Variants in INO80D observed in about 807,000 individuals in gnomAD.
The protein encoded by INO80D is INO80 complex subunit D.
Under a neutral mutation model 87.6 loss-of-function variants are expected in INO80D, and 21 were observed. The ratio of observed to expected loss-of-function variants is 0.24; its 90% CI spans 0.17 to 0.35. The LOEUF is 0.35. Ranked by LOEUF, INO80D falls within the 10% of genes least tolerant of loss-of-function variation. The pLI is 1.00. For synonymous variants in INO80D, 440 were observed against 491.0 expected (o/e 0.90, Z 1.37); for missense variants, 982 against 1,280.7 (o/e 0.77, Z 3.56).
At chr2:206,052,791 CA>C (rs34135960) in intron 4 of INO80D, among the ~76,000 whole-genome samples, 119 of 139,218 alleles carry the variant, frequency 8.5e-4, no homozygotes, top group South Asian at 1.2e-3. Flanking sequence ...GAACCTGTCT[CA>C]AAAAAAAAAA....
intron 4 of INO80D, among the ~76,000 whole-genome samples, chr2:206,047,714 G>A (rs545293563): frequency 8.0e-5 from 12 of 150,860 alleles, no homozygotes; most frequent in Non-Finnish European, 1.2e-4. Context: ...TTTCAACAAC[G>A]AAGGGCCCTA....
In INO80D at chr2:206,058,660, G is replaced by A. The variant is rs188418714; in HGVS notation, c.219-1717C>T. Among the ~76,000 whole-genome samples, 498 of 152,042 alleles carry A rather than the reference G, an allele frequency of 3.3e-3. 3 individuals carry two copies. The highest frequency in any genetic ancestry group is 0.011 in the African/African-American group (473 of 41,462). The stretch of plus-strand genomic sequence containing the variant: ...TGAGGTACAAGAATCGCTTGAACCC[G>A]GGGGCAGAGGTTGCAGTGAGCTGAG... On this transcript the variant is annotated intron_variant, in intron 3 of 10. Coordinates refer to ENST00000403263, the MANE Select transcript of INO80D (RefSeq NM_017759.5).
At chr2:206,044,644 A>G (rs1209347144) in intron 5 of INO80D, among the ~76,000 whole-genome samples, 13 of 152,192 alleles carry the variant, frequency 8.5e-5, no homozygotes, top group African/African-American at 2.9e-4. Flanking sequence ...TGAAACAACA[A>G]AAGAAGTATT....
rs181836740 is a variant in INO80D, at chr2:206,059,771, T to C, written c.219-2828A>G. Among the ~76,000 whole-genome samples, 65 of 152,280 alleles carry C rather than the reference T, an allele frequency of 4.3e-4. No homozygotes were observed. The East Asian group carries it at 6.8e-3, about 16-fold the overall frequency. On this transcript the variant is annotated intron_variant, in intron 3 of 10. Transcript: ENST00000403263. ...TGTGTGTGTCTGTGTGTCTGTGTGC[T>C]TCCCTAGCAGGTTTGAGCTAGGTCC...
Position 205,999,950 on chromosome 2 carries a change from T to C in INO80D, c.*4418A>G, listed in dbSNP as rs968682931. ...TGGGCGGGGGGAAACATCTATGTTCTTTCATATATATATATAAAAAACTCT... is the reference window on the plus strand; with the variant it reads ...TGGGCGGGGGGAAACATCTATGTTCCTTCATATATATATATAAAAAACTCT... On this transcript the variant is annotated 3_prime_UTR_variant, in exon 11 of 11. Coordinates refer to ENST00000403263, the MANE Select transcript of INO80D (RefSeq NM_017759.5). 6.6e-6 allele frequency: 1 copy of C among 152,192 alleles called. No individual in the cohort carries two copies. The highest frequency in any genetic ancestry group is 1.5e-5 in the Non-Finnish European group (1 of 68,034). 9.4% of individuals were successfully genotyped at this position (152,192 alleles called of 1,614,324 possible).
chr2:206,037,918 C>T (rs955298914), intron 5 of INO80D, among the ~76,000 whole-genome samples: 2 of 152,090 alleles, frequency 1.3e-5, no homozygotes, highest in African/African-American at 4.8e-5. Context: ...AGAATAAAAT[C>T]ATGTCTTTTG....
Position 205,996,968 on chromosome 2 carries a change from A to G in INO80D, c.*7400T>C, listed in dbSNP as rs1687820397. On this transcript the variant is annotated 3_prime_UTR_variant, in exon 11 of 11. Coordinates refer to ENST00000403263, the MANE Select transcript of INO80D (RefSeq NM_017759.5). The stretch of plus-strand genomic sequence containing the variant: ...TGAAACCAGGAGATGCTGCAAAAAT[A>G]CAACTGTAGAAAAGAACAGCATATA... The G allele has an allele frequency of 6.6e-6, 1 of 152,148 alleles. No homozygotes were observed. The highest frequency in any genetic ancestry group is 1.5e-5 in the Non-Finnish European group (1 of 67,986). 9.4% of individuals were successfully genotyped at this position (152,148 alleles called of 1,614,324 possible).
intron 5 of INO80D, among the ~76,000 whole-genome samples, chr2:206,030,214 T>C (rs1054129915): frequency 1.3e-5 from 2 of 152,216 alleles, no homozygotes; most frequent in Non-Finnish European, 2.9e-5. Flanking sequence ...GGCTCACATC[T>C]GTAATCCCTG....
At position 206,028,207 on chromosome 2, in the gene INO80D, G is replaced by A. The variant is rs550625486; in HGVS notation, c.1202C>T (p.Thr401Met). The A allele has an allele frequency of 4.6e-5, 74 of 1,612,628 alleles. No individual in the cohort carries two copies. In the South Asian group the frequency reaches 5.9e-4, roughly 13 times the overall value. Residue 401 changes from threonine to methionine, a missense_variant, in exon 6 of 11, where the codon ACG becomes ATG. Physicochemically the swap from Thr to Met is moderately conservative, Grantham distance 81. Transcript: ENST00000403263. Reference protein sequence around the residue: ...AESRQKKCRHTFRKALLQAAS... With the variant: ...AESRQKKCRHMFRKALLQAAS... ...CGCCTGCAGCAAAGCTTTCCTAAAC[G>A]TATGCCGGCATTTCTTTTGACGAGA...
chr2:206,082,721 C>T (rs189577811), intron 1 of INO80D, among the ~76,000 whole-genome samples: 149 of 152,338 alleles, frequency 9.8e-4, no homozygotes, highest in Non-Finnish European at 1.8e-3. Flanking sequence ...ATATAAATGA[C>T]TTTTCATTAG....
intron 3 of INO80D, among the ~76,000 whole-genome samples, chr2:206,059,748 T>C (rs1689634235): frequency 6.6e-6 from 1 of 152,080 alleles, no homozygotes; most frequent in African/African-American, 2.4e-5. Context: ...ACCGTGTGTG[T>C]GTGTGTCTGT....
At chr2:206,063,388 GA>G (rs1689736542) in intron 1 of INO80D, 144 bp from the exon 2 acceptor site, 4 of 358,810 alleles carry the variant, frequency 1.1e-5, no homozygotes, top group Non-Finnish European at 2.0e-5. Flanking sequence ...GGTTAAATAA[GA>G]AAATAAGAGA....
At chr2:206,054,183 CTT>C (rs571731107) in intron 4 of INO80D, among the ~76,000 whole-genome samples, 13 of 140,134 alleles carry the variant, frequency 9.3e-5, no homozygotes, top group Non-Finnish European at 9.4e-5. Flanking sequence ...CTTTTCTTTT[CTT>C]TTTTTTTTTT....
intron 4 of INO80D, among the ~76,000 whole-genome samples, chr2:206,050,075 A>C (rs1425937729): frequency 1.3e-5 from 2 of 150,146 alleles, no homozygotes; most frequent in Non-Finnish European, 3.0e-5. Context: ...AGAGGTTGCA[A>C]TGAGCTGAGA....
intron 6 of INO80D, among the ~76,000 whole-genome samples, chr2:206,021,302 A>C (rs1215885610): frequency 6.6e-6 from 1 of 152,176 alleles, no homozygotes; most frequent in Non-Finnish European, 1.5e-5. Flanking sequence ...AAATACTTCT[A>C]CCGTAGTTAT....
At chr2:206,050,106 C>G (rs1020659810) in intron 4 of INO80D, among the ~76,000 whole-genome samples, 7 of 151,920 alleles carry the variant, frequency 4.6e-5, no homozygotes, top group African/African-American at 1.7e-4. Flanking sequence ...GCACTCCAGC[C>G]TGGGCAACAC....
chr2:206,036,002 T>C (rs1688881800), intron 5 of INO80D, among the ~76,000 whole-genome samples: 1 of 152,030 alleles, frequency 6.6e-6, no homozygotes, highest in African/African-American at 2.4e-5. Flanking sequence ...AATTGCAAAT[T>C]TGATTTGCAG....
intron 8 of INO80D, among the ~76,000 whole-genome samples, chr2:206,011,111 C>CTCTGTAG: frequency 6.6e-6 from 1 of 150,526 alleles, no homozygotes; most frequent in South Asian, 2.1e-4. Flanking sequence ...ACTTCTCAGA[C>CTCTGTAG]TCTGTAGTTC....
At chr2:206,084,160 G>GTA (rs1200035184) in intron 1 of INO80D, among the ~76,000 whole-genome samples, 3 of 150,910 alleles carry the variant, frequency 2.0e-5, no homozygotes, top group Non-Finnish European at 4.4e-5. Context: ...ACGTGTGTGT[G>GTA]TATGAATATA....
Sources: gnomAD v4.1 joint callset for allele counts (sites outside exome capture counted in the v4.1 genomes callset) on GRCh38, gnomAD v4.1.1 for gene constraint, MANE v1.5 for transcripts, NCBI Gene and HGNC (gene_info 2026-07-23, HGNC 2026-07-21) for gene names.